Variants in CNOT2 observed in about 807,000 individuals in gnomAD.
CNOT2 encodes the protein CC chemokine receptor 4-negative regulator of transcription 2.
CNOT2 carries 7 observed loss-of-function variants against 72.1 expected under a neutral mutation model. The observed-to-expected ratio is 0.10, with a 90% CI of 0.06 to 0.18. The LOEUF (loss-of-function observed/expected upper bound fraction) is 0.18, where lower values mean the gene tolerates loss of function less well. Ranked by LOEUF, CNOT2 falls within the 10% of genes least tolerant of loss-of-function variation. The pLI, the probability that CNOT2 is intolerant of heterozygous loss-of-function variation, is 1.00. For missense variants in CNOT2, 345 were observed against 660.3 expected, an observed-to-expected ratio of 0.52 and a Z score of 5.23; for synonymous variants, 196 against 225.6, an observed-to-expected ratio of 0.87 and a Z score of 1.17.
At chr12:70,283,620 A>G (rs763832033) in intron 2 of CNOT2, among the ~76,000 whole-genome samples, 4 of 150,632 alleles carry the variant, frequency 2.7e-5, no homozygotes, top group Non-Finnish European at 5.9e-5. Context: ...GAAGATGAAT[A>G]AGAGCGACCT....
intron 1 of CNOT2, among the ~76,000 whole-genome samples, chr12:70,265,325 C>CTTCTCTTCTCT (rs1555188232): frequency 6.7e-6 from 1 of 148,522 alleles, no homozygotes; most frequent in African/African-American, 2.5e-5. Context: ...CTTCTCTTCT[C>CTTCTCTTCTCT]TTTCTTTCTT....
chr12:70,302,503 A>C (rs1171371425), intron 2 of CNOT2, among the ~76,000 whole-genome samples: 1 of 152,006 alleles, frequency 6.6e-6, no homozygotes, highest in Admixed American at 6.6e-5. Context: ...CAGGTTGTTC[A>C]GTTTCCATGT....
rs368572050 is a variant in CNOT2 at position 70,310,963 on chromosome 12, C to T, written c.117C>T (p.Asp39=). Residue 39 remains aspartate (D), a synonymous_variant, in exon 3 of 16, where the codon GAC becomes GAT. Coordinates refer to ENST00000229195, the MANE Select transcript of CNOT2 (RefSeq NM_014515.7). ...FVEGVDSDYH[D]ENMYYSQSSM... Reference sequence around the variant, plus strand: ...AGGGGGTCGACAGTGACTACCATGACGAAAACATGTACTACAGCCAGTCTT... The same window carrying T: ...AGGGGGTCGACAGTGACTACCATGATGAAAACATGTACTACAGCCAGTCTT... 1.1e-5 allele frequency: 18 copies of T among 1,604,056 alleles called. No individual in the cohort carries two copies. The highest frequency in any genetic ancestry group is 3.3e-5 in the South Asian group (3 of 90,734).
chr12:70,271,257 C>T (rs188455939), intron 1 of CNOT2, among the ~76,000 whole-genome samples: 1 of 152,066 alleles, frequency 6.6e-6, no homozygotes, highest in Admixed American at 6.6e-5. Flanking sequence ...TCCTAGAATC[C>T]TACCATCAGT....
chr12:70,261,305 C>CTTTT (rs71437141), intron 1 of CNOT2, among the ~76,000 whole-genome samples: 912 of 43,400 alleles, frequency 0.021, 44 homozygotes, highest in Non-Finnish European at 0.024. Context: ...TTCTTTCTTT[C>CTTTT]TTTTTTTTTT....
chr12:70,251,472 G>T lies in CNOT2; in HGVS notation c.-96+7992G>T, dbSNP rs868465921. On this transcript the variant is annotated intron_variant, in intron 1 of 15. Transcript: ENST00000229195. ...TTCTGGGACCTCATAGGAGAAGTTA[G>T]TTGAAGGAATGAAGTAGCCACAGTA... is the stretch of plus-strand genomic sequence containing the variant. 2.6e-5 allele frequency among the ~76,000 whole-genome samples: 4 copies of T among 152,250 alleles called. No homozygotes were observed. The South Asian group carries it at 6.2e-4, about 24-fold the overall frequency.
chr12:70,250,035 C>T (rs527375864), intron 1 of CNOT2, among the ~76,000 whole-genome samples: 21 of 152,234 alleles, frequency 1.4e-4, no homozygotes, highest in African/African-American at 4.6e-4. Context: ...CTATTTGCTA[C>T]AGCAAACCGG....
intron 2 of CNOT2, among the ~76,000 whole-genome samples, chr12:70,291,523 C>G (rs1871898569): frequency 6.6e-6 from 1 of 152,172 alleles, no homozygotes; most frequent in Admixed American, 6.5e-5. Context: ...TCACTTGGGT[C>G]CATTTATGTA....
At chr12:70,295,792 T>G (rs1872715276) in intron 2 of CNOT2, among the ~76,000 whole-genome samples, 1 of 152,132 alleles carries the variant, frequency 6.6e-6, no homozygotes, top group Admixed American at 6.5e-5. Context: ...AGAATTTTGG[T>G]TTTAGGATGA....
chr12:70,317,522 T>C (rs1877544007), intron 3 of CNOT2, among the ~76,000 whole-genome samples: 3 of 151,824 alleles, frequency 2.0e-5, no homozygotes, highest in Admixed American at 2.0e-4. Flanking sequence ...GGAAAGAATA[T>C]ATAGTTTAAT....
intron 1 of CNOT2, among the ~76,000 whole-genome samples, chr12:70,265,222 G>T (rs1156822494): frequency 6.6e-6 from 1 of 151,700 alleles, no homozygotes; most frequent in Non-Finnish European, 1.5e-5. Flanking sequence ...TTCTTTAAGT[G>T]TTTTGGTAGA....
At chr12:70,265,626 T>C (rs1239808701) in intron 1 of CNOT2, among the ~76,000 whole-genome samples, 2 of 152,168 alleles carry the variant, frequency 1.3e-5, no homozygotes, top group East Asian at 1.9e-4. Context: ...TTTTTTTCAA[T>C]TTCTGTGTTT....
chr12:70,286,430 G>A lies in CNOT2; in HGVS notation c.48+8156G>A, dbSNP rs1181103231. ...TTTAATCTACCTGAAATTGATTTTT[G>A]TACATGGTGTTAGAAGTACAGTTTC... On this transcript the variant is annotated intron_variant, in intron 2 of 15. Transcript: ENST00000229195. Among the ~76,000 whole-genome samples the A allele has an allele frequency of 2.0e-5, 3 of 149,472 alleles. No individual in the cohort carries two copies. The Admixed American group carries it at 2.1e-4, about 10-fold the overall frequency.
intron 1 of CNOT2, among the ~76,000 whole-genome samples, chr12:70,253,669 G>A (rs1444627570): frequency 6.6e-6 from 1 of 152,166 alleles, no homozygotes; most frequent in Non-Finnish European, 1.5e-5. Flanking sequence ...ACCTCCCAGT[G>A]TTGCTGATGG....
chr12:70,309,851 A>T (rs1470778697), intron 2 of CNOT2, among the ~76,000 whole-genome samples: 1 of 152,124 alleles, frequency 6.6e-6, no homozygotes, highest in Admixed American at 6.5e-5. Flanking sequence ...TTTAAAAATA[A>T]TTAAAAATTA....
chr12:70,292,218 C>G (rs1475982112), intron 2 of CNOT2, among the ~76,000 whole-genome samples: 4 of 152,140 alleles, frequency 2.6e-5, no homozygotes, highest in Non-Finnish European at 4.4e-5. Flanking sequence ...ACTACATCAG[C>G]TCTGTGGTGA....
chr12:70,319,170 A>G (rs1224989649), intron 3 of CNOT2, 128 bp from the exon 4 acceptor site: 2 of 693,492 alleles, frequency 2.9e-6, no homozygotes, highest in Admixed American at 2.9e-5. Flanking sequence ...TGTTTGTTTT[A>G]TGTTTTTCTG....
At chr12:70,295,058 A>G (rs1012955202) in intron 2 of CNOT2, among the ~76,000 whole-genome samples, 1 of 152,148 alleles carries the variant, frequency 6.6e-6, no homozygotes. Context: ...GTAGGGATGT[A>G]GCTCTGGGTC....
At chr12:70,265,311 T>TTCTCTTCTCTTCTCC (rs1958981738) in intron 1 of CNOT2, among the ~76,000 whole-genome samples, 1 of 146,934 alleles carries the variant, frequency 6.8e-6, no homozygotes, top group Non-Finnish European at 1.5e-5. Flanking sequence ...TTCTCTTCTC[T>TTCTCTTCTCTTCTCC]TCTCTTCTCT....
Sources: allele counts gnomAD v4.1 joint callset (sites outside exome capture counted in the v4.1 genomes callset), GRCh38; gene constraint gnomAD v4.1.1; transcripts MANE v1.5; gene names NCBI Gene and HGNC (gene_info 2026-07-23, HGNC 2026-07-21).